DAB2IP: variants seen among roughly 807,000 people sequenced by gnomAD.
The protein encoded by DAB2IP is disabled homolog 2-interacting protein.
In DAB2IP, 28 loss-of-function variants were observed where a neutral mutation model predicts 107.2. The observed-to-expected ratio is 0.26, with a 90% CI of 0.19 to 0.36. The LOEUF (loss-of-function observed/expected upper bound fraction) is 0.36. Ranked by LOEUF, DAB2IP falls within the 10% of genes least tolerant of loss-of-function variation. The probability of loss-of-function intolerance (pLI) is 1.00; values close to 1 mark genes in which losing one functional copy is unlikely to be tolerated. For synonymous variants in DAB2IP, 755 were observed against 706.4 expected, an observed-to-expected ratio of 1.07 and a Z score of -1.09; for missense variants, 1,400 against 1,644.7, an observed-to-expected ratio of 0.85 and a Z score of 2.57.
In DAB2IP at chr9:121,765,919, T is replaced by G. The variant is rs1564214633; in HGVS notation, c.1461-575T>G. On this transcript the variant is annotated intron_variant, in intron 8 of 15. Coordinates refer to ENST00000408936, the Ensembl canonical transcript of DAB2IP. ...AATGGAGAGCTGTGTTGTCCCACCG[T>G]GTTCAGGGGTAGTCCCATCTTCTTG... 3.3e-5 allele frequency among the ~76,000 whole-genome samples: 5 copies of G among 152,150 alleles called. No individual in the cohort carries two copies. In the South Asian group the frequency reaches 1.0e-3, roughly 32 times the overall value.
At chr9:121,703,574 ATGT>A (rs990082919) in intron 3 of DAB2IP, among the ~76,000 whole-genome samples, 4 of 152,310 alleles carry the variant, frequency 2.6e-5, no homozygotes, top group East Asian at 3.9e-4. Context: ...CATGATAATC[ATGT>A]TGTTGAAGAC....
chr9:121,606,565 A>G (rs1428415582), intron 1 of DAB2IP, among the ~76,000 whole-genome samples: 1 of 152,110 alleles, frequency 6.6e-6, no homozygotes, highest in Non-Finnish European at 1.5e-5. Context: ...CCCTCACTCC[A>G]GGTCCAGTGC....
intron 1 of DAB2IP, among the ~76,000 whole-genome samples, chr9:121,604,906 C>G (rs980037668): frequency 2.0e-5 from 3 of 152,236 alleles, no homozygotes; most frequent in African/African-American, 7.2e-5. Context: ...TCAACAGAGT[C>G]AAGTGGAGAG....
At chr9:121,588,974 C>T (rs1039113737) in intron 1 of DAB2IP, among the ~76,000 whole-genome samples, 1 of 151,920 alleles carries the variant, frequency 6.6e-6, no homozygotes, top group African/African-American at 2.4e-5. Flanking sequence ...CCCCCTACCC[C>T]CCACCAAACC....
Position 121,573,530 on chromosome 9 carries a change from G to A in DAB2IP, c.40+6302G>A, listed in dbSNP as rs201345793. On this transcript the variant is annotated intron_variant, in intron 1 of 16. Transcript: ENST00000259371. ...CTCCTGAGTAGCTGGGACTACAGGC[G>A]CGCAACACCAGGCCCGGCTAATTTT... Among the ~76,000 whole-genome samples the A allele has an allele frequency of 1.8e-4, 27 of 152,026 alleles. No homozygotes were observed. The East Asian group carries it at 3.1e-3, about 17-fold the overall frequency.
At chr9:121,710,046 G>A (rs563881609) in intron 3 of DAB2IP, among the ~76,000 whole-genome samples, 1 of 152,192 alleles carries the variant, frequency 6.6e-6, no homozygotes, top group Non-Finnish European at 1.5e-5. Flanking sequence ...AGCCAAGGAA[G>A]CGTGAGTTGC....
chr9:121,729,907 A>G (rs1453173446), intron 3 of DAB2IP, among the ~76,000 whole-genome samples: 3 of 151,618 alleles, frequency 2.0e-5, no homozygotes, highest in Non-Finnish European at 4.4e-5. Flanking sequence ...TTCACCTCAG[A>G]CTCCTTTTCT....
At chr9:121,568,013 T>A (rs1564675832) in intron 1 of DAB2IP, among the ~76,000 whole-genome samples, 1 of 145,752 alleles carries the variant, frequency 6.9e-6, no homozygotes, top group African/African-American at 2.5e-5. Context: ...CATGGGGGGG[T>A]GGGGCAGCAG....
rs557825883 is a variant in DAB2IP at position 121,747,513 on chromosome 9, A to T, written c.363-9500A>T. On this transcript the variant is annotated intron_variant, in intron 3 of 15. Coordinates refer to ENST00000408936, the Ensembl canonical transcript of DAB2IP. ...CAGGCGCCCGCCATCACGCCCAGCT[A>T]ATTTTTTGTATTTTTGGTAGAGATG... 4.6e-5 allele frequency among the ~76,000 whole-genome samples: 7 copies of T among 152,032 alleles called. No homozygotes were observed. In the East Asian group the frequency reaches 9.7e-4, roughly 21 times the overall value.
exon 2 of DAB2IP, chr9:121,678,680 T>A: frequency 6.4e-7 from 1 of 1,555,032 alleles, no homozygotes; most frequent in East Asian, 2.4e-5. Context: ...GTTGGCAGAG[T>A]CGCCTCAAGA....
At chr9:121,696,956 C>T (rs889100870) in intron 2 of DAB2IP, among the ~76,000 whole-genome samples, 5 of 152,186 alleles carry the variant, frequency 3.3e-5, no homozygotes, top group Non-Finnish European at 4.4e-5. Flanking sequence ...CCATAATGTT[C>T]ATGGCTATCT....
chr9:121,614,497 T>C lies in DAB2IP; in HGVS notation c.40+47269T>C, dbSNP rs1193416357. 2.7e-5 allele frequency among the ~76,000 whole-genome samples: 4 copies of C among 150,480 alleles called. No individual in the cohort carries two copies. In the East Asian group the frequency reaches 8.1e-4, roughly 30 times the overall value. On this transcript the variant is annotated intron_variant, in intron 1 of 16. Transcript: ENST00000259371. ...CTGGGATTACAGGCATGTGCCACCATGCCTGGCTAATTTTTGTATTTTCAG... is the reference window on the plus strand; with the variant it reads ...CTGGGATTACAGGCATGTGCCACCACGCCTGGCTAATTTTTGTATTTTCAG...
intron 3 of DAB2IP, among the ~76,000 whole-genome samples, chr9:121,735,046 C>CT (rs1278740879): frequency 6.6e-6 from 1 of 152,218 alleles, no homozygotes; most frequent in Admixed American, 6.5e-5. Flanking sequence ...CTCTGAGACT[C>CT]TATCTTCACC....
chr9:121,686,689 ACT>A (rs907398908), intron 2 of DAB2IP, among the ~76,000 whole-genome samples: 1 of 151,732 alleles, frequency 6.6e-6, no homozygotes, highest in African/African-American at 2.4e-5. Flanking sequence ...AAGTTGCCCC[ACT>A]CTCTTTCCCT....
chr9:121,585,814 A>C (rs976452294), intron 1 of DAB2IP, among the ~76,000 whole-genome samples: 1 of 151,370 alleles, frequency 6.6e-6, no homozygotes, highest in Non-Finnish European at 1.5e-5. Flanking sequence ...AGATCGTGCC[A>C]CTGGACTCCA....
At chr9:121,679,610 GT>G in intron 2 of DAB2IP, among the ~76,000 whole-genome samples, 1 of 152,168 alleles carries the variant, frequency 6.6e-6, no homozygotes, top group South Asian at 2.1e-4. Flanking sequence ...TGGATGGTTT[GT>G]TCATCCATTC....
chr9:121,738,998 TTC>T (rs1418528542), intron 3 of DAB2IP, among the ~76,000 whole-genome samples: 1 of 152,228 alleles, frequency 6.6e-6, no homozygotes, highest in African/African-American at 2.4e-5. Context: ...GTCAGGGAAT[TTC>T]TGTCTGCTTT....
chr9:121,668,907 CTTTTTT>C (rs377320590), intron 1 of DAB2IP, among the ~76,000 whole-genome samples: 4 of 72,184 alleles, frequency 5.5e-5, no homozygotes, highest in Non-Finnish European at 9.8e-5. Flanking sequence ...GTAAGCCTTA[CTTTTTT>C]TTTTTTTTTT....
chr9:121,718,500 T>TA, intron 3 of DAB2IP, among the ~76,000 whole-genome samples: 1 of 152,278 alleles, frequency 6.6e-6, no homozygotes, highest in South Asian at 2.1e-4. Context: ...CTCGAGTCCT[T>TA]ACACTGCATC....
Sources: gnomAD v4.1 joint callset for allele counts (sites outside exome capture counted in the v4.1 genomes callset) on GRCh38, gnomAD v4.1.1 for gene constraint, MANE v1.5 for transcripts, NCBI Gene and HGNC (gene_info 2026-07-23, HGNC 2026-07-21) for gene names.